Variants in TBC1D10A observed in about 807,000 individuals in gnomAD.
TBC1D10A encodes EBP50-PDX interactor of 64 kDa.
TBC1D10A carries 24 observed loss-of-function variants against 52.9 expected under a neutral mutation model. That is an observed-to-expected ratio of 0.45 (90% CI 0.33 to 0.64). The LOEUF (loss-of-function observed/expected upper bound fraction) is 0.64. Ranked by LOEUF, TBC1D10A falls within the 30% of genes least tolerant of loss-of-function variation. The pLI is 0.02. For synonymous variants in TBC1D10A, 278 were observed against 282.9 expected (o/e 0.98, Z 0.17); for missense variants, 602 against 687.9 (o/e 0.88, Z 1.40).
At chr22:30,301,125 C>T (rs772780107) in intron 2 of TBC1D10A, among the ~76,000 whole-genome samples, 1 of 152,222 alleles carries the variant, frequency 6.6e-6, no homozygotes, top group Non-Finnish European at 1.5e-5. Flanking sequence ...AGCTGCACCG[C>T]ACAGGCTGGA....
At chr22:30,322,009 G>A (rs925353857) in intron 1 of TBC1D10A, among the ~76,000 whole-genome samples, 3 of 143,010 alleles carry the variant, frequency 2.1e-5, no homozygotes, top group Non-Finnish European at 4.5e-5. Context: ...TTTGAGACAC[G>A]GTCTGTCTCA....
At chr22:30,312,374 T>C (rs1930443384) in intron 1 of TBC1D10A, among the ~76,000 whole-genome samples, 1 of 152,220 alleles carries the variant, frequency 6.6e-6, no homozygotes, top group Non-Finnish European at 1.5e-5. Context: ...TCAGACCCTG[T>C]AGCTGGGCAT....
At chr22:30,294,615 G>A (rs1298775369) in intron 6 of TBC1D10A, among the ~76,000 whole-genome samples, 181 bp downstream of exon 6, 1 of 152,252 alleles carries the variant, frequency 6.6e-6, no homozygotes. Flanking sequence ...GAAAGTCAGT[G>A]TAGAAGGGAT....
At chr22:30,294,240 T>C (rs1684572626) in intron 6 of TBC1D10A, 130 bp from the exon 7 acceptor site, 1 of 1,001,542 alleles carries the variant, frequency 1.0e-6, no homozygotes, top group Non-Finnish European at 1.5e-6. Context: ...TGTCTGCCTC[T>C]GCCAGGTGCT....
At chr22:30,323,388 A>C (rs1338945867) in intron 1 of TBC1D10A, among the ~76,000 whole-genome samples, 1 of 152,208 alleles carries the variant, frequency 6.6e-6, no homozygotes, top group East Asian at 1.9e-4. Context: ...TATACTGCTG[A>C]GAGAGTCGAA....
Position 30,292,729 on chromosome 22 carries a change from C to T in TBC1D10A, c.1173G>A (p.Lys391=). ...GACCAGGTTCTGCATCCAAGATAGC[C>T]TTGGCACCATGCAGCCTGGGCGGGG... ...CRSPPRLHGA[K]AILDAEPGPR... Residue 391 remains lysine, a synonymous_variant, in exon 9 of 9, where the codon AAG becomes AAA. Coordinates refer to ENST00000215790, the MANE Select transcript of TBC1D10A (RefSeq NM_031937.3). The T allele has an allele frequency of 1.2e-6, 2 of 1,611,796 alleles. No individual in the cohort carries two copies. The highest frequency in any genetic ancestry group is 1.7e-6 in the Non-Finnish European group (2 of 1,179,384).
At chr22:30,300,265 T>C (rs1211362715) in intron 2 of TBC1D10A, among the ~76,000 whole-genome samples, 1 of 151,668 alleles carries the variant, frequency 6.6e-6, no homozygotes, top group Non-Finnish European at 1.5e-5. Flanking sequence ...CTGGCCAACA[T>C]GGTGAAACCC....
intron 1 of TBC1D10A, among the ~76,000 whole-genome samples, chr22:30,325,713 TTC>T (rs1930754269): frequency 6.6e-6 from 1 of 152,092 alleles, no homozygotes; most frequent in Admixed American, 6.5e-5. Context: ...TGCCCCACAT[TTC>T]TCTGTCTGCT....
At chr22:30,315,755 C>A (rs1447915704) in intron 1 of TBC1D10A, among the ~76,000 whole-genome samples, 3 of 152,176 alleles carry the variant, frequency 2.0e-5, no homozygotes, top group Non-Finnish European at 4.4e-5. Flanking sequence ...CCTGCCTTGT[C>A]TTGGGGTACA....
chr22:30,317,280 C>T (rs531624110), intron 1 of TBC1D10A, among the ~76,000 whole-genome samples: 3 of 151,688 alleles, frequency 2.0e-5, no homozygotes, highest in Non-Finnish European at 4.4e-5. Flanking sequence ...TGGTGGTGGG[C>T]ACCTAAAACC....
chr22:30,325,964 C>T (rs1930761665), intron 1 of TBC1D10A, among the ~76,000 whole-genome samples: 1 of 152,110 alleles, frequency 6.6e-6, no homozygotes, highest in African/African-American at 2.4e-5. Context: ...GGGGGAGTAC[C>T]TGCCCACCTG....
intron 1 of TBC1D10A, among the ~76,000 whole-genome samples, chr22:30,322,590 C>A (rs1930678103): frequency 1.8e-5 from 2 of 112,624 alleles, no homozygotes; most frequent in Admixed American, 1.0e-4. Context: ...AGGTCACTTT[C>A]AGCTTTTTTT....
chr22:30,296,273 C>T (rs1253168650), intron 3 of TBC1D10A: 1 of 166,858 alleles, frequency 6.0e-6, no homozygotes, highest in East Asian at 1.9e-4. Flanking sequence ...CCTTACTGAT[C>T]CTGCTCCCCA....
At chr22:30,312,209 GCACCCAGGGGC>G (rs1358228446) in intron 1 of TBC1D10A, among the ~76,000 whole-genome samples, 1 of 152,138 alleles carries the variant, frequency 6.6e-6, no homozygotes, top group Non-Finnish European at 1.5e-5. Context: ...CTCACTGCAG[GCACCCAGGGGC>G]CACCCTGACT....
chr22:30,302,200 AC>A (rs1930215315), intron 2 of TBC1D10A, among the ~76,000 whole-genome samples: 1 of 152,174 alleles, frequency 6.6e-6, no homozygotes, highest in African/African-American at 2.4e-5. Flanking sequence ...GATGGTAGGG[AC>A]CAGTAAGGAT....
Position 30,293,949 on chromosome 22 carries a change from C to T in TBC1D10A, c.867G>A (p.Leu289=). The change falls in exon 7 of 9, where the codon CTG becomes CTA. Residue 289 remains leucine (L), a synonymous_variant. Transcript: ENST00000215790. ...CACAGAAGAACATGTCCCAGACACGCAGCACAGAGCTCCAGGGCAAGGTTC... is the reference window on the plus strand; with the variant it reads ...CACAGAAGAACATGTCCCAGACACGTAGCACAGAGCTCCAGGGCAAGGTTC... ...FSRTLPWSSV[L]RVWDMFFCEG... The T allele has an allele frequency of 6.2e-7, 1 of 1,614,042 alleles. No individual in the cohort carries two copies. Among genetic ancestry groups the T allele is most frequent in the Non-Finnish European group, 8.5e-7 (1 of 1,179,932 alleles).
chr22:30,292,860 GCAGTGA>G lies in TBC1D10A; in HGVS notation c.1051-15_1051-10del. On this transcript the variant is annotated splice_polypyrimidine_tract_variant and intron_variant, in intron 8 of 8. Transcript: ENST00000215790. ...ACGGGCAACTCCACCACCTGCAGGGGCAGTGACACAGGCAAGTGGACACCAAGAAGA... is the reference window on the plus strand; with the variant it reads ...ACGGGCAACTCCACCACCTGCAGGGGCACAGGCAAGTGGACACCAAGAAGA... 1 of 1,610,514 alleles carries G rather than the reference GCAGTGA, an allele frequency of 6.2e-7. No homozygotes were observed. The highest frequency in any genetic ancestry group is 8.5e-7 in the Non-Finnish European group (1 of 1,179,784).
chr22:30,310,168 C>A (rs1236354698), intron 1 of TBC1D10A, among the ~76,000 whole-genome samples: 1 of 152,178 alleles, frequency 6.6e-6, no homozygotes, highest in Non-Finnish European at 1.5e-5. Flanking sequence ...AACTGGGAGA[C>A]CATGTGCAAA....
chr22:30,301,901 C>T (rs576288286), intron 2 of TBC1D10A, among the ~76,000 whole-genome samples: 3 of 152,250 alleles, frequency 2.0e-5, no homozygotes, highest in South Asian at 2.1e-4. Flanking sequence ...GAGTTTCCTG[C>T]GGCTATGGGA....
Sources: gnomAD v4.1 joint callset for allele counts (sites outside exome capture counted in the v4.1 genomes callset) on GRCh38, gnomAD v4.1.1 for gene constraint, MANE v1.5 for transcripts, NCBI Gene and HGNC (gene_info 2026-07-23, HGNC 2026-07-21) for gene names.